SPATA1: variants seen among roughly 807,000 people sequenced by gnomAD.
The protein encoded by SPATA1 is spermatogenesis-associated protein 1.
Under a neutral mutation model 59.6 loss-of-function variants are expected in SPATA1, and 57 were observed. That is an observed-to-expected ratio of 0.96 (90% CI 0.77 to 1.19). The LOEUF is 1.19. Among genes scored for constraint, SPATA1 ranks in the 50% most tolerant of loss-of-function variants. The pLI is 0.00. For synonymous variants in SPATA1, 147 were observed against 163.9 expected, an observed-to-expected ratio of 0.90 and a Z score of 0.79; for missense variants, 448 against 480.7, an observed-to-expected ratio of 0.93 and a Z score of 0.64.
At chr1:84,510,125 C>T (rs1045234544) in intron 1 of SPATA1, among the ~76,000 whole-genome samples, 7 of 152,074 alleles carry the variant, frequency 4.6e-5, no homozygotes, top group Non-Finnish European at 7.4e-5. Flanking sequence ...TGTGATCATG[C>T]CACTGCACTC....
intron 3 of SPATA1, among the ~76,000 whole-genome samples, 161 bp downstream of exon 3, chr1:84,520,852 A>G (rs993147409): frequency 2.0e-5 from 3 of 152,348 alleles, no homozygotes; most frequent in African/African-American, 7.2e-5. Flanking sequence ...ATATAGTGCT[A>G]TGTAACAATT....
At chr1:84,553,886 CCCT>C (rs1185309857) in exon 13 of SPATA1, 2 of 152,058 alleles carry the variant, frequency 1.3e-5, no homozygotes, top group Non-Finnish European at 2.9e-5. Flanking sequence ...GTTCTTAATT[CCCT>C]GGAGAAAGAA....
At chr1:84,525,821 T>C (rs1042685670) in intron 5 of SPATA1, 24 bp from the exon 6 acceptor site, 11 of 1,604,730 alleles carry the variant, frequency 6.9e-6, no homozygotes, top group Non-Finnish European at 8.5e-6. Flanking sequence ...CAAACTAACT[T>C]TTAAAATTTC....
At chr1:84,565,378 A>G (rs1440411150) in intron 4 of SPATA1, among the ~76,000 whole-genome samples, 2 of 152,214 alleles carry the variant, frequency 1.3e-5, no homozygotes, top group African/African-American at 4.8e-5. Context: ...CACAGATACT[A>G]AAAGAAGTTA....
intron 8 of SPATA1, among the ~76,000 whole-genome samples, chr1:84,538,711 A>G (rs748781838): frequency 6.6e-5 from 10 of 152,214 alleles, no homozygotes; most frequent in Non-Finnish European, 1.2e-4. Context: ...AAGCCTGCCA[A>G]CTTTGAGTGG....
At position 84,523,507 on chromosome 1, in the gene SPATA1, G is replaced by C. The variant is rs146441209; in HGVS notation, c.261+1000G>C. 9.1e-4 allele frequency among the ~76,000 whole-genome samples: 138 copies of C among 152,234 alleles called. 1 individual carries two copies. Among genetic ancestry groups the C allele is most frequent in the African/African-American group, 3.1e-3 (127 of 41,542 alleles). On this transcript the variant is annotated intron_variant, in intron 4 of 12. Coordinates refer to ENST00000490879, the Ensembl canonical transcript of SPATA1. ...CTACCATTAGATTATAGGTCCTTGT[G>C]GGGAGGGACTTCATTTTATTCATCA...
intron 11 of SPATA1, 56 bp downstream of exon 11, chr1:84,549,020 T>C: frequency 6.9e-7 from 1 of 1,442,616 alleles, no homozygotes; most frequent in East Asian, 2.6e-5. Flanking sequence ...AACACATGCT[T>C]TATAAGTGCT....
chr1:84,522,536 T>A, intron 4 of SPATA1, 29 bp downstream of exon 4: 1 of 1,243,322 alleles, frequency 8.0e-7, no homozygotes, highest in Non-Finnish European at 1.1e-6. Flanking sequence ...TCTTTCTGAT[T>A]GAGAAAGACC....
chr1:84,514,924 C>A (rs1682728838), intron 1 of SPATA1, among the ~76,000 whole-genome samples: 2 of 151,968 alleles, frequency 1.3e-5, no homozygotes, highest in African/African-American at 4.8e-5. Context: ...TGAGCCAAGA[C>A]TGCGCTACTG....
At chr1:84,535,674 A>T (rs1683649037) in intron 8 of SPATA1, among the ~76,000 whole-genome samples, 1 of 150,872 alleles carries the variant, frequency 6.6e-6, no homozygotes, top group South Asian at 2.1e-4. Context: ...CATTGAACTC[A>T]TCTATTGAGA....
intron 1 of SPATA1, among the ~76,000 whole-genome samples, chr1:84,513,789 G>A (rs189037321): frequency 3.6e-4 from 55 of 151,412 alleles, no homozygotes; most frequent in Non-Finnish European, 6.5e-4. Context: ...CCCATAACAT[G>A]GGCTTGCCTC....
At chr1:84,556,643 C>T (rs1259965988), downstream of SPATA1, among the ~76,000 whole-genome samples, 2 of 140,922 alleles carry the variant, frequency 1.4e-5, no homozygotes, top group African/African-American at 5.5e-5. Flanking sequence ...ACCCAGGAGA[C>T]GGAGGTTGCA....
chr1:84,525,272 A>G (rs1471973118), intron 4 of SPATA1, among the ~76,000 whole-genome samples: 1 of 152,176 alleles, frequency 6.6e-6, no homozygotes, highest in Middle Eastern at 3.2e-3. Context: ...CAGTCCCCCA[A>G]TATTTGTTAA....
chr1:84,509,470 G>T (rs1230255846), intron 1 of SPATA1, among the ~76,000 whole-genome samples: 2 of 152,186 alleles, frequency 1.3e-5, no homozygotes, highest in Non-Finnish European at 2.9e-5. Context: ...ACGTCTATAA[G>T]AAAACATTGG....
intron 1 of SPATA1, among the ~76,000 whole-genome samples, chr1:84,513,436 G>T (rs1158042685): frequency 6.6e-6 from 1 of 152,198 alleles, no homozygotes; most frequent in Non-Finnish European, 1.5e-5. Context: ...TGCCAGCCAT[G>T]CATGCCTAAA....
intron 4 of SPATA1, among the ~76,000 whole-genome samples, chr1:84,524,864 C>T (rs1032586610): frequency 3.3e-5 from 5 of 152,100 alleles, no homozygotes; most frequent in African/African-American, 9.7e-5. Context: ...TCTGGTTTCC[C>T]AAGTAGAATA....
At chr1:84,545,485 TA>T in intron 9 of SPATA1, 148 bp from the exon 10 acceptor site, 1 of 765,470 alleles carries the variant, frequency 1.3e-6, no homozygotes, top group Non-Finnish European at 1.9e-6. Flanking sequence ...TTCCACATGG[TA>T]AATGCTATAC....
intron 2 of SPATA1, among the ~76,000 whole-genome samples, chr1:84,517,860 TTC>T (rs1334106589): frequency 8.5e-5 from 13 of 152,106 alleles, no homozygotes; most frequent in South Asian, 2.1e-4. Flanking sequence ...TCATAACAAG[TTC>T]TCTTTTCTTG....
downstream of SPATA1, among the ~76,000 whole-genome samples, chr1:84,557,617 A>T (rs1043098305): frequency 2.0e-5 from 3 of 148,032 alleles, no homozygotes; most frequent in African/African-American, 7.5e-5. Context: ...GCCCTTTGGG[A>T]GGCCGAGATG....
Sources: gnomAD v4.1 joint callset for allele counts (sites outside exome capture counted in the v4.1 genomes callset) on GRCh38, gnomAD v4.1.1 for gene constraint, MANE v1.5 for transcripts, NCBI Gene and HGNC (gene_info 2026-07-23, HGNC 2026-07-21) for gene names.